The following SYN3 variants were observed in gnomAD, a reference collection of about 807,000 sequenced individuals.
SYN3 encodes synapsin III.
A neutral mutation model predicts 65.8 loss-of-function variants in SYN3; 35 were observed. The observed-to-expected ratio is 0.53, with a 90% CI of 0.41 to 0.70. SYN3 has a LOEUF of 0.70. Ranked by LOEUF, SYN3 falls within the 30% of genes least tolerant of loss-of-function variation. The probability of loss-of-function intolerance (pLI) is 0.00; values close to 1 mark genes in which losing one functional copy is unlikely to be tolerated. For synonymous variants in SYN3, 270 were observed against 292.9 expected (o/e 0.92, Z 0.80); for missense variants, 680 against 749.0 (o/e 0.91, Z 1.08).
chr22:32,643,509 A>G (rs2059932684), intron 6 of SYN3, among the ~76,000 whole-genome samples: 1 of 130,142 alleles, frequency 7.7e-6, no homozygotes, highest in Non-Finnish European at 1.6e-5. Flanking sequence ...AATCACTGTA[A>G]GAGATCTCTA....
chr22:32,868,672 A>G (rs2048755866), intron 5 of SYN3, among the ~76,000 whole-genome samples: 1 of 152,030 alleles, frequency 6.6e-6, no homozygotes, highest in African/African-American at 2.4e-5. Flanking sequence ...GCTGGTCTCG[A>G]ACTACCAACT....
chr22:32,695,615 G>A (rs1202186003), intron 6 of SYN3, among the ~76,000 whole-genome samples: 1 of 152,190 alleles, frequency 6.6e-6, no homozygotes, highest in Non-Finnish European at 1.5e-5. Flanking sequence ...GCCATTTAAT[G>A]TTTATGCATC....
chr22:32,651,245 A>G (rs1250857528), intron 6 of SYN3, among the ~76,000 whole-genome samples: 2 of 152,162 alleles, frequency 1.3e-5, no homozygotes, highest in African/African-American at 2.4e-5. Context: ...GGCGGGAGAA[A>G]GAGAAGCCAC....
chr22:32,516,496 T>G (rs943639684), intron 13 of SYN3, among the ~76,000 whole-genome samples: 9 of 152,250 alleles, frequency 5.9e-5, no homozygotes, highest in Non-Finnish European at 1.3e-4. Context: ...CCTGAGTAGC[T>G]GGGACTACAG....
At chr22:32,974,275 T>C (rs1290208153) in intron 3 of SYN3, among the ~76,000 whole-genome samples, 3 of 152,240 alleles carry the variant, frequency 2.0e-5, no homozygotes, top group Non-Finnish European at 4.4e-5. Context: ...TGCCACTTAT[T>C]AGTTGGGCAA....
intron 6 of SYN3, among the ~76,000 whole-genome samples, chr22:32,844,485 C>G (rs945402304): frequency 2.0e-5 from 3 of 152,182 alleles, no homozygotes; most frequent in Non-Finnish European, 2.9e-5. Context: ...TACTAGCACT[C>G]TTGCCCAAAC....
intron 6 of SYN3, among the ~76,000 whole-genome samples, chr22:32,663,994 A>T (rs2060254846): frequency 6.6e-6 from 1 of 152,158 alleles, no homozygotes; most frequent in African/African-American, 2.4e-5. Context: ...TCCCTGACTA[A>T]GATAGGGAAA....
chr22:32,572,341 C>CTTCCCTTCCACCCTCCCTCCCATCT (rs2058776867), intron 7 of SYN3, among the ~76,000 whole-genome samples: 1 of 107,214 alleles, frequency 9.3e-6, no homozygotes, highest in African/African-American at 4.3e-5. Flanking sequence ...CCCTCCCTTC[C>CTTCCCTTCCACCCTCCCTCCCATCT]TTCCTTCCTT....
chr22:32,508,551 C>T lies in SYN3; in HGVS notation c.*5141G>A, dbSNP rs12166325. On this transcript the variant is annotated 3_prime_UTR_variant, in exon 14 of 14. Coordinates refer to ENST00000358763, the MANE Select transcript of SYN3 (RefSeq NM_003490.4). ...TGTTCTCATTCTGCCTCCTCCCATT[C>T]CTCTTCAGATTCAGTTTGGAAGAGG... Among the ~76,000 whole-genome samples the T allele has an allele frequency of 0.041, 6,234 of 152,014 alleles. 417 individuals carry two copies. The highest frequency in any genetic ancestry group is 0.14 in the African/African-American group (5,846 of 41,416).
At chr22:32,928,027 C>T (rs764244563) in intron 4 of SYN3, among the ~76,000 whole-genome samples, 1 of 152,128 alleles carries the variant, frequency 6.6e-6, no homozygotes, top group Admixed American at 6.6e-5. Context: ...TGAAAATATC[C>T]TAAGTTGAAA....
At chr22:33,032,904 G>C (rs888011261) in intron 1 of SYN3, among the ~76,000 whole-genome samples, 1 of 150,426 alleles carries the variant, frequency 6.6e-6, no homozygotes, top group African/African-American at 2.5e-5. Context: ...TATATTTCCT[G>C]TTTCCATGAA....
intron 7 of SYN3, among the ~76,000 whole-genome samples, chr22:32,595,696 G>T (rs1168351331): frequency 6.6e-6 from 1 of 152,154 alleles, no homozygotes. Flanking sequence ...GGCCTGGTGG[G>T]AGGTGATTGG....
At chr22:32,527,505 C>T (rs1382992548) in intron 12 of SYN3, among the ~76,000 whole-genome samples, 3 of 151,430 alleles carry the variant, frequency 2.0e-5, no homozygotes, top group African/African-American at 7.3e-5. Context: ...GAGGCTGAGG[C>T]AGGAGAATCA....
intron 4 of SYN3, among the ~76,000 whole-genome samples, chr22:32,913,699 C>T (rs150736328): frequency 8.5e-4 from 130 of 152,238 alleles, no homozygotes; most frequent in Middle Eastern, 3.4e-3. Context: ...AAGCCTGGCA[C>T]AGGGCAGGCG....
intron 7 of SYN3, among the ~76,000 whole-genome samples, chr22:32,593,276 G>A (rs1173527758): frequency 6.6e-6 from 1 of 150,888 alleles, no homozygotes; most frequent in Non-Finnish European, 1.5e-5. Flanking sequence ...TCCTTGGAGT[G>A]CACCCTCCTT....
chr22:32,755,729 G>A (rs568143990), intron 6 of SYN3, among the ~76,000 whole-genome samples: 1 of 152,214 alleles, frequency 6.6e-6, no homozygotes, highest in East Asian at 1.9e-4. Flanking sequence ...TACCATGGTG[G>A]CCCCAGCCCC....
At chr22:32,909,282 G>T (rs2049985354) in intron 4 of SYN3, among the ~76,000 whole-genome samples, 1 of 152,176 alleles carries the variant, frequency 6.6e-6, no homozygotes, top group Non-Finnish European at 1.5e-5. Flanking sequence ...ATAACCCAGT[G>T]GTTAAAGGCA....
intron 4 of SYN3, among the ~76,000 whole-genome samples, chr22:32,913,084 G>T (rs1454275531): frequency 6.6e-6 from 1 of 152,120 alleles, no homozygotes; most frequent in Non-Finnish European, 1.5e-5. Context: ...CACGTGTAGG[G>T]GCAGAGGCCT....
intron 7 of SYN3, among the ~76,000 whole-genome samples, chr22:32,555,465 C>T (rs774854114): frequency 6.6e-6 from 1 of 152,236 alleles, no homozygotes; most frequent in African/African-American, 2.4e-5. Flanking sequence ...CTGAGTTTCT[C>T]TCCAGCAAGC....
Sources: allele counts gnomAD v4.1 joint callset (sites outside exome capture counted in the v4.1 genomes callset), GRCh38; gene constraint gnomAD v4.1.1; transcripts MANE v1.5; gene names NCBI Gene and HGNC (gene_info 2026-07-23, HGNC 2026-07-21).